ZBTB20: variants seen among roughly 807,000 people sequenced by gnomAD.
ZBTB20 encodes zinc finger and BTB domain containing 20.
In ZBTB20, 9 loss-of-function variants were observed where a neutral mutation model predicts 56.9. That is an observed-to-expected ratio of 0.16 (90% CI 0.10 to 0.28). The LOEUF (loss-of-function observed/expected upper bound fraction) is 0.28, where lower values mean the gene tolerates loss of function less well. Among genes scored for constraint, ZBTB20 ranks in the 10% least tolerant of loss-of-function variants. ZBTB20 has a pLI of 1.00. For missense variants in ZBTB20, 655 were observed against 1,003.0 expected, an observed-to-expected ratio of 0.65 and a Z score of 4.69; for synonymous variants, 417 against 420.7, an observed-to-expected ratio of 0.99 and a Z score of 0.11.
intron 6 of ZBTB20, among the ~76,000 whole-genome samples, chr3:114,665,529 A>T (rs924912183): frequency 2.0e-5 from 3 of 152,012 alleles, no homozygotes; most frequent in Admixed American, 2.0e-4. Context: ...TTCAGGCAAA[A>T]AGGCCTTCAA....
rs2079115422 is a variant in ZBTB20 at position 114,327,961 on chromosome 3, T to C, written c.*11044A>G. On this transcript the variant is annotated 3_prime_UTR_variant, in exon 12 of 12. Coordinates refer to ENST00000675478, the MANE Select transcript of ZBTB20 (RefSeq NM_001348800.3). ...ACCCAGAATGGTATCAGTCAGTCTT[T>C]TGGGCAATGCTCTGGTGACCAGACA... 1 of 152,148 alleles carries C rather than the reference T, an allele frequency of 6.6e-6. No homozygotes were observed. Among genetic ancestry groups the C allele is most frequent in the Non-Finnish European group, 1.5e-5 (1 of 68,012 alleles). The allele number at this position is 152,148 out of a possible 1,614,324, so 9.4% of individuals were successfully genotyped here.
chr3:114,428,696 G>T (rs553664664), intron 7 of ZBTB20, among the ~76,000 whole-genome samples: 1 of 152,310 alleles, frequency 6.6e-6, no homozygotes, highest in East Asian at 1.9e-4. Flanking sequence ...AATTTCATTT[G>T]TGATTCTTGC....
intron 5 of ZBTB20, among the ~76,000 whole-genome samples, chr3:114,787,662 T>C (rs1459603268): frequency 1.3e-5 from 2 of 151,880 alleles, no homozygotes; most frequent in South Asian, 2.1e-4. Context: ...CATAAATCTA[T>C]ATATATGTTA....
At chr3:114,884,552 G>A (rs1471966790) in intron 4 of ZBTB20, among the ~76,000 whole-genome samples, 2 of 152,124 alleles carry the variant, frequency 1.3e-5, no homozygotes, top group African/African-American at 2.4e-5. Context: ...TTCAATCAAA[G>A]ATCATCAGTT....
At chr3:114,655,094 ACT>A (rs919557571) in intron 6 of ZBTB20, among the ~76,000 whole-genome samples, 3 of 151,540 alleles carry the variant, frequency 2.0e-5, no homozygotes, top group Admixed American at 6.6e-5. Flanking sequence ...TCAGCCTAAT[ACT>A]CTCTCTTTTA....
chr3:114,977,920 G>A (rs2078169765), intron 2 of ZBTB20, among the ~76,000 whole-genome samples: 1 of 151,076 alleles, frequency 6.6e-6, no homozygotes, highest in Admixed American at 6.6e-5. Flanking sequence ...TGAGGTGGGA[G>A]GATCACCTGA....
chr3:115,102,391 T>C (rs76445591), intron 1 of ZBTB20, among the ~76,000 whole-genome samples: 2,949 of 152,182 alleles, frequency 0.019, 103 homozygotes, highest in African/African-American at 0.067. Flanking sequence ...ATTGCCCTAT[T>C]GTTTCTCCGA....
intron 6 of ZBTB20, among the ~76,000 whole-genome samples, chr3:114,523,034 G>T (rs1443667048): frequency 1.3e-5 from 2 of 152,080 alleles, no homozygotes; most frequent in African/African-American, 4.8e-5. Context: ...CAAAGATTGA[G>T]CTCTAGGGCC....
chr3:114,858,611 G>A lies in ZBTB20; in HGVS notation c.-417+41693C>T, dbSNP rs576680924. ...TTAGGAGCTACTAGTCTAATCTTAAGTGCACATTCCCTACCATAAAGTTGT... is the reference window on the plus strand; with the variant it reads ...TTAGGAGCTACTAGTCTAATCTTAAATGCACATTCCCTACCATAAAGTTGT... On this transcript the variant is annotated intron_variant, in intron 4 of 11. Transcript: ENST00000675478. 5.9e-5 allele frequency among the ~76,000 whole-genome samples: 9 copies of A among 152,036 alleles called. No homozygotes were observed. In the South Asian group the frequency reaches 1.0e-3, roughly 18 times the overall value.
intron 3 of ZBTB20, among the ~76,000 whole-genome samples, chr3:114,917,961 T>A (rs977085341): frequency 2.0e-5 from 3 of 152,170 alleles, no homozygotes; most frequent in Non-Finnish European, 4.4e-5. Flanking sequence ...GTCCTTTTTT[T>A]CATGGCACCG....
intron 6 of ZBTB20, among the ~76,000 whole-genome samples, chr3:114,572,267 TATC>T (rs1455979916): frequency 1.3e-5 from 2 of 152,206 alleles, no homozygotes; most frequent in African/African-American, 4.8e-5. Flanking sequence ...AACTTGGTGA[TATC>T]ATTATTCCAA....
intron 7 of ZBTB20, among the ~76,000 whole-genome samples, chr3:114,408,181 T>C (rs1306281803): frequency 6.6e-6 from 1 of 152,212 alleles, no homozygotes; most frequent in African/African-American, 2.4e-5. Context: ...ATTTGTTAAT[T>C]TTTGTAGCAT....
chr3:114,844,136 TG>T (rs2107344447), intron 4 of ZBTB20, among the ~76,000 whole-genome samples: 1 of 151,346 alleles, frequency 6.6e-6, no homozygotes, highest in African/African-American at 2.4e-5. Context: ...GCGAAAAAAA[TG>T]GTGAATTATT....
At chr3:114,983,294 T>C (rs1443296568) in intron 2 of ZBTB20, among the ~76,000 whole-genome samples, 1 of 152,034 alleles carries the variant, frequency 6.6e-6, no homozygotes, top group African/African-American at 2.4e-5. Flanking sequence ...CCTTCCTATA[T>C]AGTTCAGCAT....
chr3:114,330,332 A>G lies in ZBTB20; in HGVS notation c.*8673T>C, dbSNP rs1428012162. 3 of 152,238 alleles carry G rather than the reference A, an allele frequency of 2.0e-5. No individual in the cohort carries two copies. Among genetic ancestry groups the G allele is most frequent in the Admixed American group, 6.5e-5 (1 of 15,288 alleles). 9.4% of individuals were successfully genotyped at this position (152,238 alleles called of 1,614,324 possible). ...ATATAAGCAAAGACATAATATTTCA[A>G]TCAACTCATGATCATAGGCAGATTC... On this transcript the variant is annotated 3_prime_UTR_variant, in exon 12 of 12. Coordinates refer to ENST00000675478, the MANE Select transcript of ZBTB20 (RefSeq NM_001348800.3).
chr3:114,780,200 C>T (rs547213357), intron 5 of ZBTB20, among the ~76,000 whole-genome samples: 4 of 152,154 alleles, frequency 2.6e-5, no homozygotes, highest in Non-Finnish European at 4.4e-5. Flanking sequence ...GGAGTCTTCC[C>T]ATAGGGACTT....
At chr3:114,998,318 A>C (rs918438377) in intron 2 of ZBTB20, among the ~76,000 whole-genome samples, 4 of 151,764 alleles carry the variant, frequency 2.6e-5, no homozygotes, top group Non-Finnish European at 5.9e-5. Context: ...TATAACCACC[A>C]AAAAAATCAA....
intron 6 of ZBTB20, among the ~76,000 whole-genome samples, chr3:114,668,956 T>C (rs2061208437): frequency 6.6e-6 from 1 of 151,984 alleles, no homozygotes; most frequent in Admixed American, 6.6e-5. Flanking sequence ...CTATACTCCA[T>C]TATAAACAAC....
intron 5 of ZBTB20, among the ~76,000 whole-genome samples, chr3:114,789,501 A>G (rs965376813): frequency 6.6e-6 from 1 of 152,322 alleles, no homozygotes; most frequent in African/African-American, 2.4e-5. Context: ...ATAGGTTTTA[A>G]TATGCAGCTA....
Sources: allele counts gnomAD v4.1 joint callset (sites outside exome capture counted in the v4.1 genomes callset), GRCh38; gene constraint gnomAD v4.1.1; transcripts MANE v1.5; gene names NCBI Gene and HGNC (gene_info 2026-07-23, HGNC 2026-07-21).